Variants in EPB41L3 observed in about 807,000 individuals in gnomAD.
EPB41L3 encodes band 4.1-like protein 3.
In EPB41L3, 57 loss-of-function variants were observed where a neutral mutation model predicts 127.1. The observed-to-expected ratio is 0.45, with a 90% confidence interval of 0.36 to 0.56. The LOEUF is 0.56. Among genes scored for constraint, EPB41L3 ranks in the 20% least tolerant of loss-of-function variants. The pLI, the probability that EPB41L3 is intolerant of heterozygous loss-of-function variation, is 0.00. For missense variants in EPB41L3, 1,273 were observed against 1,372.2 expected, an observed-to-expected ratio of 0.93 and a Z score of 1.14; for synonymous variants, 572 against 549.5, an observed-to-expected ratio of 1.04 and a Z score of -0.57.
At chr18:5,462,179 G>A (rs1342189003) in intron 3 of EPB41L3, among the ~76,000 whole-genome samples, 1 of 152,182 alleles carries the variant, frequency 6.6e-6, no homozygotes, top group African/African-American at 2.4e-5. Context: ...GTATGCTGAT[G>A]TAAAGCTACT....
chr18:5,454,620 C>A lies in EPB41L3; in HGVS notation c.382-9376G>T, dbSNP rs138381710. Among the ~76,000 whole-genome samples the A allele has an allele frequency of 4.1e-3, 630 of 152,264 alleles. 10 individuals are homozygous for A. The South Asian group carries it at 0.051, about 12-fold the overall frequency. On this transcript the variant is annotated intron_variant, in intron 3 of 22. Transcript: ENST00000341928. ...CTAGATGGCACATATATTGTCAGTC[C>A]TTTCTTTAAATTCATGAGCAATCAG...
chr18:5,561,642 A>G (rs1212160894), intron 3 of EPB41L3, among the ~76,000 whole-genome samples: 1 of 152,244 alleles, frequency 6.6e-6, no homozygotes. Context: ...AATAATTGCT[A>G]CAGAGAAGAT....
At chr18:5,605,587 A>C (rs904086018) in intron 3 of EPB41L3, among the ~76,000 whole-genome samples, 49 of 151,838 alleles carry the variant, frequency 3.2e-4, no homozygotes, top group African/African-American at 1.2e-3. Context: ...TTTAATTTTT[A>C]GTATTTTTGT....
At chr18:5,469,836 C>T (rs1228195488) in intron 3 of EPB41L3, among the ~76,000 whole-genome samples, 2 of 150,294 alleles carry the variant, frequency 1.3e-5, no homozygotes. Flanking sequence ...TGCACTGGCG[C>T]AATCTTGGCT....
At chr18:5,467,972 C>A (rs995247318) in intron 3 of EPB41L3, among the ~76,000 whole-genome samples, 1 of 152,172 alleles carries the variant, frequency 6.6e-6, no homozygotes, top group African/African-American at 2.4e-5. Context: ...CCCCCCTGCC[C>A]CTACAGGCTT....
At chr18:5,426,769 A>G (rs778783176) in intron 9 of EPB41L3, among the ~76,000 whole-genome samples, 2 of 152,228 alleles carry the variant, frequency 1.3e-5, no homozygotes, top group African/African-American at 2.4e-5. Flanking sequence ...GAACAAGGTC[A>G]TATTTGTCTT....
intron 9 of EPB41L3, 141 bp from the exon 10 acceptor site, chr18:5,424,500 C>T: frequency 1.7e-6 from 1 of 589,498 alleles, no homozygotes; most frequent in Non-Finnish European, 2.9e-6. Context: ...ATAATTCATG[C>T]TATACAGATT....
intron 5 of EPB41L3, 115 bp downstream of exon 5, chr18:5,443,723 T>G: frequency 1.2e-4 from 93 of 748,290 alleles, no homozygotes; most frequent in Non-Finnish European, 1.8e-4. Flanking sequence ...AGATCAAATT[T>G]GAGATAAGAA....
chr18:5,406,686 C>A (rs1457387136), intron 16 of EPB41L3, 91 bp downstream of exon 16: 3 of 1,194,414 alleles, frequency 2.5e-6, no homozygotes, highest in African/African-American at 3.0e-5. Flanking sequence ...AGATTTTCTA[C>A]CCAGAAGACT....
chr18:5,432,952 G>A (rs1168724934), intron 8 of EPB41L3, among the ~76,000 whole-genome samples: 2 of 152,190 alleles, frequency 1.3e-5, no homozygotes, highest in Non-Finnish European at 2.9e-5. Flanking sequence ...TATGAAGGTA[G>A]GGCCACACAC....
chr18:5,477,407 C>A (rs555900276), intron 3 of EPB41L3, among the ~76,000 whole-genome samples: 1 of 152,128 alleles, frequency 6.6e-6, no homozygotes, highest in Non-Finnish European at 1.5e-5. Flanking sequence ...GTGTGTGATA[C>A]CCTGCCCTCT....
chr18:5,533,438 T>A (rs1209562651), intron 1 of EPB41L3, among the ~76,000 whole-genome samples: 1 of 152,238 alleles, frequency 6.6e-6, no homozygotes, highest in Non-Finnish European at 1.5e-5. Flanking sequence ...TAATAAATTA[T>A]AATGTAGTCT....
intron 12 of EPB41L3, 43 bp downstream of exon 12, chr18:5,419,668 T>A (rs1258045206): frequency 4.3e-6 from 7 of 1,610,176 alleles, no homozygotes; most frequent in Middle Eastern, 2.0e-4. Flanking sequence ...TAGTCATTCT[T>A]AAAAGCTGGA....
At chr18:5,411,501 G>C (rs1199658696) in intron 13 of EPB41L3, among the ~76,000 whole-genome samples, 1 of 152,040 alleles carries the variant, frequency 6.6e-6, no homozygotes, top group Non-Finnish European at 1.5e-5. Flanking sequence ...TTCAGGACTG[G>C]TTTTTAATCT....
intron 1 of EPB41L3, among the ~76,000 whole-genome samples, chr18:5,505,447 C>G (rs991618310): frequency 1.3e-5 from 2 of 151,986 alleles, no homozygotes; most frequent in African/African-American, 4.8e-5. Flanking sequence ...CAGACCTCCA[C>G]CTAAACCCCT....
At chr18:5,607,818 T>C (rs1423022878) in intron 3 of EPB41L3, among the ~76,000 whole-genome samples, 1 of 152,170 alleles carries the variant, frequency 6.6e-6, no homozygotes, top group Non-Finnish European at 1.5e-5. Context: ...GAAAGAACTT[T>C]ACGTAACTGC....
At chr18:5,448,790 C>T (rs1289036810) in intron 3 of EPB41L3, among the ~76,000 whole-genome samples, 2 of 152,086 alleles carry the variant, frequency 1.3e-5, no homozygotes, top group Non-Finnish European at 2.9e-5. Context: ...AGTAACAAAC[C>T]AACGGTGGCT....
Position 5,498,608 on chromosome 18 carries a change from A to AAGAAAG in EPB41L3, c.-11-9415_-11-9414insCTTTCT, listed in dbSNP as rs1555765863. 3.2e-4 allele frequency among the ~76,000 whole-genome samples: 47 copies of AAGAAAG among 144,698 alleles called. 1 individual carries two copies. Among genetic ancestry groups the AAGAAAG allele is most frequent in the Admixed American group, 8.6e-4 (12 of 14,018 alleles). 94.9% of individuals were successfully genotyped at this position (144,698 alleles called of 152,430 possible). A position where few individuals can be genotyped will look rare whatever the true frequency, so the allele number is the denominator to read the frequency against. ...AGACTCCATCTCAAAAAAAAAAAAA[A>AAGAAAG]AAAGAAAATGGACTTCAGAACTGAT... On this transcript the variant is annotated intron_variant, in intron 1 of 22. Transcript: ENST00000341928.
chr18:5,406,836 C>CG lies in EPB41L3; in HGVS notation c.2289dup (p.Val764ArgfsTer19), dbSNP rs1210623597. ...TCCTCCTGCCTGGCGGCCAGTCGCACGGGGGAGGTGGAAAGCCTCTTCTCC... is the reference window on the plus strand; with the variant it reads ...TCCTCCTGCCTGGCGGCCAGTCGCACGGGGGGAGGTGGAAAGCCTCTTCTCC... On this transcript the variant is annotated frameshift_variant, in exon 16 of 23. Transcript: ENST00000341928. LOFTEE classifies it high-confidence loss of function. The CG allele has an allele frequency of 1.2e-6, 2 of 1,614,142 alleles. No homozygotes were observed. Among genetic ancestry groups the CG allele is most frequent in the Non-Finnish European group, 1.7e-6 (2 of 1,180,012 alleles).
Sources: allele counts gnomAD v4.1 joint callset (sites outside exome capture counted in the v4.1 genomes callset), GRCh38; gene constraint gnomAD v4.1.1; transcripts MANE v1.5; gene names NCBI Gene and HGNC (gene_info 2026-07-23, HGNC 2026-07-21).